DLG2: variants seen among roughly 807,000 people sequenced by gnomAD.
DLG2 encodes the protein disks large homolog 2.
A neutral mutation model predicts 132.5 loss-of-function variants in DLG2; 45 were observed. The ratio of observed to expected loss-of-function variants is 0.34; its 90% CI spans 0.27 to 0.44. The LOEUF (loss-of-function observed/expected upper bound fraction) is 0.44. DLG2 is among the 20% of genes least tolerant of loss of function. The pLI is 1.00. For synonymous variants in DLG2, 424 were observed against 419.6 expected (o/e 1.01, Z -0.13); for missense variants, 1,045 against 1,196.9 (o/e 0.87, Z 1.87).
rs191578500 is a variant in DLG2 at position 84,792,645 on chromosome 11, A to T, written c.358-257914T>A. 5.8e-4 allele frequency among the ~76,000 whole-genome samples: 89 copies of T among 152,158 alleles called. 1 individual carries two copies. The highest frequency in any genetic ancestry group is 2.0e-3 in the African/African-American group (83 of 41,522). On this transcript the variant is annotated intron_variant, in intron 6 of 27. Coordinates refer to ENST00000376104, the MANE Select transcript of DLG2 (RefSeq NM_001142699.3). ...GTTTTGGATTTCTTAATAGTTCAAT[A>T]TTGGTAGGTTCTATGTGTCTAGGAA...
intron 4 of DLG2, among the ~76,000 whole-genome samples, chr11:85,270,106 T>C (rs1325387113): frequency 6.6e-6 from 1 of 152,164 alleles, no homozygotes; most frequent in Non-Finnish European, 1.5e-5. Flanking sequence ...GAATACATAT[T>C]GGTACCATTT....
At chr11:85,184,584 C>G (rs931673123) in intron 4 of DLG2, among the ~76,000 whole-genome samples, 1 of 151,750 alleles carries the variant, frequency 6.6e-6, no homozygotes, top group African/African-American at 2.4e-5. Flanking sequence ...GCCCATTTCC[C>G]TCATTTGGTA....
intron 7 of DLG2, among the ~76,000 whole-genome samples, chr11:84,518,075 A>T (rs555201490): frequency 1.1e-5 from 1 of 89,850 alleles, no homozygotes; most frequent in Non-Finnish European, 2.5e-5. Context: ...TTCAAGAGAC[A>T]TCATCACTCA....
chr11:85,199,325 A>C (rs1158010652), intron 4 of DLG2, among the ~76,000 whole-genome samples: 1 of 152,226 alleles, frequency 6.6e-6, no homozygotes, highest in African/African-American at 2.4e-5. Flanking sequence ...GTTTCTATTT[A>C]CAAGAAGTTC....
rs569212959 is a variant in DLG2, at chr11:84,303,094, G to C, written c.520-51803C>G. On this transcript the variant is annotated intron_variant, in intron 7 of 27. Transcript: ENST00000376104. ...CCACTGCACTTCAGCCTGGGTGACA[G>C]AGTGAGACTCTGTCTCAAAAAATAA... Among the ~76,000 whole-genome samples, 12 of 152,260 alleles carry C rather than the reference G, an allele frequency of 7.9e-5. No homozygotes were observed. The South Asian group carries it at 2.5e-3, about 32-fold the overall frequency.
At chr11:83,750,804 C>G (rs576758136) in intron 18 of DLG2, among the ~76,000 whole-genome samples, 1 of 152,056 alleles carries the variant, frequency 6.6e-6, no homozygotes, top group African/African-American at 2.4e-5. Flanking sequence ...TAAAAGGTAC[C>G]TTTAGGACTT....
intron 3 of DLG2, among the ~76,000 whole-genome samples, chr11:85,506,523 A>T (rs2093937801): frequency 6.6e-6 from 1 of 151,312 alleles, no homozygotes; most frequent in Non-Finnish European, 1.5e-5. Flanking sequence ...TAGTTGTGTG[A>T]TTTTTGAGTA....
intron 9 of DLG2, among the ~76,000 whole-genome samples, chr11:84,143,976 T>G (rs532310193): frequency 3.9e-5 from 6 of 152,146 alleles, no homozygotes; most frequent in Admixed American, 6.6e-5. Context: ...AAGAGTGAGG[T>G]TTCCAAAATT....
intron 3 of DLG2, among the ~76,000 whole-genome samples, chr11:85,570,006 C>T (rs1025823724): frequency 4.6e-5 from 7 of 152,104 alleles, no homozygotes; most frequent in Non-Finnish European, 8.8e-5. Flanking sequence ...AAGAGGGGGA[C>T]GTACGAAGTG....
intron 4 of DLG2, among the ~76,000 whole-genome samples, chr11:85,166,902 G>A (rs539291689): frequency 4.6e-5 from 7 of 152,112 alleles, no homozygotes; most frequent in South Asian, 2.1e-4. Context: ...ATACATATCC[G>A]AAAAGTTTCC....
intron 7 of DLG2, chr11:84,317,077 A>C: frequency 1.2e-6 from 2 of 1,612,370 alleles, no homozygotes; most frequent in Non-Finnish European, 1.7e-6. Context: ...GGGTGGGCGC[A>C]CTCCTGACGG....
In DLG2 at chr11:84,850,627, A is replaced by G. The variant is rs536590631; in HGVS notation, c.357+261034T>C. On this transcript the variant is annotated intron_variant, in intron 6 of 27. Coordinates refer to ENST00000376104, the MANE Select transcript of DLG2 (RefSeq NM_001142699.3). ...GAAGTAAACTTAACTCTATTTGCAG[A>G]TGACATAATTTATACAGAGTATCTT... Among the ~76,000 whole-genome samples, 25 of 152,266 alleles carry G rather than the reference A, an allele frequency of 1.6e-4. No individual in the cohort carries two copies. The East Asian group carries it at 4.8e-3, about 29-fold the overall frequency.
At chr11:84,486,241 T>C (rs2099150553) in intron 7 of DLG2, among the ~76,000 whole-genome samples, 1 of 152,150 alleles carries the variant, frequency 6.6e-6, no homozygotes. Context: ...GAGTAGGCCC[T>C]CTAAGAGACC....
At chr11:84,168,493 T>C (rs946981678) in intron 8 of DLG2, among the ~76,000 whole-genome samples, 1 of 152,186 alleles carries the variant, frequency 6.6e-6, no homozygotes, top group Admixed American at 6.5e-5. Context: ...CCAGTTCTTG[T>C]GGTCTCTTGT....
rs187591578 is a variant in DLG2 at position 84,969,441 on chromosome 11, T to C, written c.357+142220A>G. 1.4e-3 allele frequency among the ~76,000 whole-genome samples: 210 copies of C among 152,312 alleles called. 1 individual carries two copies. The highest frequency in any genetic ancestry group is 1.9e-4 in the Non-Finnish European group (13 of 68,028). Reference sequence around the variant, plus strand: ...CTTCTCTATATCTTCTAGAACTTTATATGAGGAATGCATTATAAGCAAAAT... The same window carrying C: ...CTTCTCTATATCTTCTAGAACTTTACATGAGGAATGCATTATAAGCAAAAT... On this transcript the variant is annotated intron_variant, in intron 6 of 27. Transcript: ENST00000376104.
intron 18 of DLG2, among the ~76,000 whole-genome samples, chr11:83,723,121 C>G (rs1432080032): frequency 6.6e-6 from 1 of 152,152 alleles, no homozygotes; most frequent in African/African-American, 2.4e-5. Context: ...TGTCTCAAAC[C>G]TGTAATCCCA....
chr11:84,592,900 A>T (rs2099547003), intron 6 of DLG2, among the ~76,000 whole-genome samples: 1 of 137,766 alleles, frequency 7.3e-6, no homozygotes, highest in Non-Finnish European at 1.5e-5. Context: ...GAGCAAGACC[A>T]TTCTGGCTAA....
chr11:83,779,261 T>C (rs1283076580), intron 18 of DLG2, among the ~76,000 whole-genome samples: 1 of 151,946 alleles, frequency 6.6e-6, no homozygotes, highest in Admixed American at 6.6e-5. Context: ...GAAGGTAGGA[T>C]GGAAAGAGAA....
chr11:85,266,692 G>A lies in DLG2; in HGVS notation c.186+18528C>T, dbSNP rs373078539. 2.0e-4 allele frequency among the ~76,000 whole-genome samples: 31 copies of A among 152,312 alleles called. No individual in the cohort carries two copies. The East Asian group carries it at 3.3e-3, about 16-fold the overall frequency. Reference sequence around the variant, plus strand: ...TTTCACTCATCTTTGTATTCTTTAAGTGTGGCATAAAGTAGGCTTCTGGGC... The same window carrying A: ...TTTCACTCATCTTTGTATTCTTTAAATGTGGCATAAAGTAGGCTTCTGGGC... On this transcript the variant is annotated intron_variant, in intron 4 of 27. Transcript: ENST00000376104.
Sources: allele counts gnomAD v4.1 joint callset (sites outside exome capture counted in the v4.1 genomes callset), GRCh38; gene constraint gnomAD v4.1.1; transcripts MANE v1.5; gene names NCBI Gene and HGNC (gene_info 2026-07-23, HGNC 2026-07-21).